ITPR2: variants seen among roughly 807,000 people sequenced by gnomAD.
The protein encoded by ITPR2 is inositol 1,4,5-trisphosphate receptor type 2.
In ITPR2, 207 loss-of-function variants were observed where a neutral mutation model predicts 317.1. That is an observed-to-expected ratio of 0.65 (90% CI 0.58 to 0.73). The LOEUF is 0.73. Among genes scored for constraint, ITPR2 ranks in the 30% least tolerant of loss-of-function variants. ITPR2 has a pLI of 0.00. For synonymous variants in ITPR2, 1,156 were observed against 1,149.1 expected, an observed-to-expected ratio of 1.01 and a Z score of -0.12; for missense variants, 2,613 against 3,284.0, an observed-to-expected ratio of 0.80 and a Z score of 4.99.
chr12:26,576,075 G>C (rs1202365717), intron 34 of ITPR2, among the ~76,000 whole-genome samples: 1 of 152,188 alleles, frequency 6.6e-6, no homozygotes, highest in Non-Finnish European at 1.5e-5. Context: ...TAGCAGCTAA[G>C]ACAATGTATT....
intron 37 of ITPR2, among the ~76,000 whole-genome samples, chr12:26,548,047 G>T (rs1401762447): frequency 6.6e-6 from 1 of 152,112 alleles, no homozygotes; most frequent in Non-Finnish European, 1.5e-5. Flanking sequence ...TCACCTCTCT[G>T]GGACTCTGTG....
At chr12:26,644,697 T>C (rs949064470) in intron 21 of ITPR2, among the ~76,000 whole-genome samples, 1 of 152,032 alleles carries the variant, frequency 6.6e-6, no homozygotes, top group Middle Eastern at 3.2e-3. Flanking sequence ...ACTGCCCCCA[T>C]GATTCAATTC....
chr12:26,705,186 A>G (rs902820278), intron 9 of ITPR2, among the ~76,000 whole-genome samples: 9 of 152,098 alleles, frequency 5.9e-5, no homozygotes, highest in African/African-American at 2.2e-4. Context: ...CAGCAGTGCT[A>G]TGAAAACTCA....
intron 44 of ITPR2, 53 bp downstream of exon 44, chr12:26,476,859 T>A: frequency 8.3e-7 from 1 of 1,199,010 alleles, no homozygotes; most frequent in East Asian, 2.4e-5. Flanking sequence ...ATTCTCTAAA[T>A]TTTTTCCTTT....
At chr12:26,524,886 C>T (rs986210765) in intron 37 of ITPR2, among the ~76,000 whole-genome samples, 6 of 152,068 alleles carry the variant, frequency 3.9e-5, no homozygotes, top group African/African-American at 1.4e-4. Context: ...GTTACTGTAA[C>T]AAGATTTAGA....
intron 24 of ITPR2, among the ~76,000 whole-genome samples, chr12:26,622,716 A>G (rs1946528398): frequency 6.6e-6 from 1 of 152,156 alleles, no homozygotes; most frequent in Non-Finnish European, 1.5e-5. Context: ...CATCAATCCA[A>G]AAGCATTTAT....
At chr12:26,390,591 G>T (rs1371217888) in intron 54 of ITPR2, among the ~76,000 whole-genome samples, 1 of 152,162 alleles carries the variant, frequency 6.6e-6, no homozygotes, top group Admixed American at 6.5e-5. Context: ...GAGATGGAAG[G>T]TTAGGGATCA....
intron 4 of ITPR2, among the ~76,000 whole-genome samples, chr12:26,723,696 T>G (rs1483504578): frequency 6.6e-6 from 1 of 152,164 alleles, no homozygotes; most frequent in African/African-American, 2.4e-5. Flanking sequence ...AGTAACAAAA[T>G]ATCAGGGATA....
chr12:26,594,855 A>C (rs1348193685), intron 32 of ITPR2, among the ~76,000 whole-genome samples: 1 of 152,184 alleles, frequency 6.6e-6, no homozygotes, highest in African/African-American at 2.4e-5. Flanking sequence ...GCAAAAACAT[A>C]TGTCAGGCAG....
At chr12:26,627,814 C>T (rs1565650690) in intron 23 of ITPR2, among the ~76,000 whole-genome samples, 1 of 151,914 alleles carries the variant, frequency 6.6e-6, no homozygotes, top group Non-Finnish European at 1.5e-5. Flanking sequence ...GGAGAAATAC[C>T]AAATGTAGAT....
intron 54 of ITPR2, among the ~76,000 whole-genome samples, chr12:26,392,792 C>T (rs1438552086): frequency 6.6e-6 from 1 of 152,156 alleles, no homozygotes; most frequent in Admixed American, 6.5e-5. Context: ...ATGATAATAT[C>T]GCCACAGCAA....
At chr12:26,735,940 C>T (rs1949112440) in intron 2 of ITPR2, among the ~76,000 whole-genome samples, 1 of 152,236 alleles carries the variant, frequency 6.6e-6, no homozygotes, top group Non-Finnish European at 1.5e-5. Flanking sequence ...TGGTTGGCCT[C>T]TACCTTTACT....
chr12:26,666,317 T>C (rs561499651), intron 13 of ITPR2, among the ~76,000 whole-genome samples: 1 of 152,330 alleles, frequency 6.6e-6, no homozygotes, highest in South Asian at 2.1e-4. Flanking sequence ...ACTGTTTACC[T>C]AAGCCTTTAC....
chr12:26,595,474 A>G lies in ITPR2; in HGVS notation c.4371T>C (p.Asp1457=), dbSNP rs1437026575. 1 of 1,606,284 alleles carries G rather than the reference A, an allele frequency of 6.2e-7. No homozygotes were observed. Among genetic ancestry groups the G allele is most frequent in the Non-Finnish European group, 8.5e-7 (1 of 1,178,054 alleles). The stretch of plus-strand genomic sequence containing the variant: ...TCAAAATCTAACTTACCCTTGCCAT[A>G]TCCACCAAGAAGTTCTCAAATAATT... ...IWKLFENFLV[D]MARVCNTTTD... Residue 1457 remains aspartate (D), a synonymous_variant, in exon 32 of 57, where the codon GAT becomes GAC. Coordinates refer to ENST00000381340, the MANE Select transcript of ITPR2 (RefSeq NM_002223.4).
chr12:26,362,052 T>C (rs1166774058), intron 55 of ITPR2, among the ~76,000 whole-genome samples: 2 of 152,162 alleles, frequency 1.3e-5, no homozygotes, highest in Non-Finnish European at 2.9e-5. Context: ...ACACTTATGA[T>C]GACTGGATCA....
intron 24 of ITPR2, chr12:26,623,240 T>C (rs991187960): frequency 3.9e-5 from 6 of 152,146 alleles, no homozygotes; most frequent in African/African-American, 1.4e-4. Flanking sequence ...CAGAAATAAA[T>C]AATTCACGAG....
chr12:26,340,192 C>T lies in ITPR2; in HGVS notation c.7994G>A (p.Gly2665Asp), dbSNP rs1229863499. The change falls in exon 56 of 57, where the codon GGT (glycine) becomes GAT (aspartate). Residue 2665 changes from glycine (G) to aspartate (D), a missense_variant. Physicochemically the swap from Gly to Asp is moderately conservative, Grantham distance 94. Transcript: ENST00000381340. The stretch of plus-strand genomic sequence containing the variant: ...CTGCTCCTTGAGCTCCGCCAGCTGA[C>T]CCGACAGCTGTTTGACCAGACTCAT... ...STMSLVKQLS[G>D]QLAELKEQMT... 6.2e-7 allele frequency: 1 copy of T among 1,606,338 alleles called. No homozygotes were observed. Among genetic ancestry groups the T allele is most frequent in the Non-Finnish European group, 8.5e-7 (1 of 1,176,570 alleles).
intron 45 of ITPR2, among the ~76,000 whole-genome samples, chr12:26,470,673 T>C (rs983144813): frequency 3.3e-5 from 5 of 152,198 alleles, no homozygotes; most frequent in Non-Finnish European, 5.9e-5. Flanking sequence ...GTTTGGCCAA[T>C]ATTTTTTTAA....
At chr12:26,784,363 C>CTCCACGGTCTCCTTCCACGGTCTCCT (rs375851468) in intron 2 of ITPR2, among the ~76,000 whole-genome samples, 23 of 66,828 alleles carry the variant, frequency 3.4e-4, no homozygotes, top group South Asian at 2.0e-3. Flanking sequence ...CTCCCTCTCC[C>CTCCACGGTCTCCTTCCACGGTCTCCT]TCCACGGTCT....
Sources: gnomAD v4.1 joint callset for allele counts (sites outside exome capture counted in the v4.1 genomes callset) on GRCh38, gnomAD v4.1.1 for gene constraint, MANE v1.5 for transcripts, NCBI Gene and HGNC (gene_info 2026-07-23, HGNC 2026-07-21) for gene names.